BORCS5: variants seen among roughly 807,000 people sequenced by gnomAD.
The protein encoded by BORCS5 is BLOC-1-related complex subunit 5.
Under a neutral mutation model 22.1 loss-of-function variants are expected in BORCS5, and 17 were observed. The observed-to-expected ratio is 0.77, with a 90% CI of 0.53 to 1.15. The LOEUF (loss-of-function observed/expected upper bound fraction) is 1.15. BORCS5 is among the 50% of genes most tolerant of loss of function. The probability of loss-of-function intolerance (pLI) is 0.00; values close to 1 mark genes in which losing one functional copy is unlikely to be tolerated. For synonymous variants in BORCS5, 117 were observed against 99.8 expected (o/e 1.17, Z -1.03); for missense variants, 247 against 253.2 (o/e 0.98, Z 0.17).
At chr12:12,440,095 C>G (rs1391440611) in intron 3 of BORCS5, among the ~76,000 whole-genome samples, 1 of 152,166 alleles carries the variant, frequency 6.6e-6, no homozygotes, top group Non-Finnish European at 1.5e-5. Context: ...CTAGAGGTCC[C>G]TAAGATTACA....
chr12:12,370,365 C>T (rs1863499484), intron 2 of BORCS5, among the ~76,000 whole-genome samples: 1 of 151,900 alleles, frequency 6.6e-6, no homozygotes, highest in Admixed American at 6.6e-5. Flanking sequence ...TTTTTTTGCC[C>T]ACTTTTGTTA....
rs375957186 is a variant in BORCS5, at chr12:12,435,599, A to T, written c.203-29A>T. Reference sequence around the variant, plus strand: ...CACAAGTTTATTAGCAGTAATTTTAATTTCATTTCATTTTTTTCTCCTTTG... The same window carrying T: ...CACAAGTTTATTAGCAGTAATTTTATTTTCATTTCATTTTTTTCTCCTTTG... On this transcript the variant is annotated intron_variant, in intron 2 of 3. Transcript: ENST00000314565. 3.0e-5 allele frequency: 47 copies of T among 1,584,884 alleles called. No individual in the cohort carries two copies. In the African/African-American group the frequency reaches 6.0e-4, roughly 20 times the overall value.
chr12:12,430,305 C>T (rs2136118139), intron 2 of BORCS5, among the ~76,000 whole-genome samples: 1 of 152,078 alleles, frequency 6.6e-6, no homozygotes, highest in East Asian at 1.9e-4. Context: ...CGCCTGCCAC[C>T]ACGCCTGGCT....
intron 2 of BORCS5, among the ~76,000 whole-genome samples, chr12:12,387,455 C>T (rs1863907113): frequency 6.6e-6 from 1 of 151,364 alleles, no homozygotes; most frequent in South Asian, 2.1e-4. Flanking sequence ...TTTGTTTTCT[C>T]CAAAATGGAA....
At chr12:12,440,864 A>G (rs558606069) in intron 3 of BORCS5, among the ~76,000 whole-genome samples, 12 of 152,344 alleles carry the variant, frequency 7.9e-5, no homozygotes, top group African/African-American at 2.9e-4. Context: ...TTTTACAGAA[A>G]GTAAGCACTT....
chr12:12,401,578 T>C (rs1941476601), intron 2 of BORCS5, among the ~76,000 whole-genome samples: 1 of 152,060 alleles, frequency 6.6e-6, no homozygotes, highest in Admixed American at 6.6e-5. Context: ...GAAAACAAAA[T>C]GACAAAAAAG....
rs541755933 is a variant in BORCS5 at position 12,378,536 on chromosome 12, ATAAC to A, written c.202+17192_202+17195del. ...AAAAATATTAGAGACATGCTACAAA[ATAAC>A]TAACCGGTTTTCTTTATAAGAGTCA... On this transcript the variant is annotated intron_variant, in intron 2 of 3. Transcript: ENST00000314565. 8.6e-4 allele frequency among the ~76,000 whole-genome samples: 130 copies of A among 151,890 alleles called. 4 individuals are homozygous for A. The highest frequency in any genetic ancestry group is 2.9e-3 in the African/African-American group (119 of 41,458).
intron 2 of BORCS5, among the ~76,000 whole-genome samples, chr12:12,405,339 A>G (rs1941572821): frequency 6.6e-6 from 1 of 152,238 alleles, no homozygotes; most frequent in South Asian, 2.1e-4. Context: ...CATTGACACT[A>G]GAATTTTAAG....
At chr12:12,450,139 G>A (rs779662243) in intron 3 of BORCS5, among the ~76,000 whole-genome samples, 59 of 152,352 alleles carry the variant, frequency 3.9e-4, no homozygotes, top group East Asian at 1.9e-3. Context: ...GACTTTGGTC[G>A]CTTAGGACAG....
In BORCS5 at chr12:12,465,617, G is replaced by T. The variant is rs772720071; in HGVS notation, c.432G>T (p.Glu144Asp). 1.9e-6 allele frequency: 3 copies of T among 1,614,148 alleles called. No homozygotes were observed. Among genetic ancestry groups the T allele is most frequent in the Non-Finnish European group, 2.5e-6 (3 of 1,180,052 alleles). The part of the protein sequence containing the change: ...ERQKRYAKYA[E>D]QIQKVNEMSA... Reference sequence around the variant, plus strand: ...AGAAAAGATACGCCAAGTATGCCGAGCAGATCCAGAAAGTGAACGAGATGT... The same window carrying T: ...AGAAAAGATACGCCAAGTATGCCGATCAGATCCAGAAAGTGAACGAGATGT... The change falls in exon 4 of 4, where the codon GAG (glutamate) becomes GAT (aspartate). Residue 144 changes from glutamate to aspartate, a missense_variant. By Grantham distance (45) the Glu-to-Asp change is conservative. Coordinates refer to ENST00000314565, the MANE Select transcript of BORCS5 (RefSeq NM_058169.6).
At chr12:12,400,405 G>C (rs1941440839) in intron 2 of BORCS5, among the ~76,000 whole-genome samples, 1 of 152,106 alleles carries the variant, frequency 6.6e-6, no homozygotes, top group South Asian at 2.1e-4. Flanking sequence ...GGTGACCAAG[G>C]GTGGAGTGGT....
intron 2 of BORCS5, among the ~76,000 whole-genome samples, chr12:12,374,181 T>C (rs572298502): frequency 5.9e-5 from 9 of 151,276 alleles, no homozygotes; most frequent in South Asian, 4.2e-4. Context: ...TTAGTAGAGA[T>C]GGGGTTTCAC....
At chr12:12,403,572 T>C (rs7967466) in intron 2 of BORCS5, among the ~76,000 whole-genome samples, 91,218 of 152,034 alleles carry the variant, frequency 0.6, 28,681 homozygotes, top group African/African-American at 0.79. Flanking sequence ...TATTATCAAC[T>C]AACATGTTCC....
At chr12:12,451,252 C>G (rs751875894) in intron 3 of BORCS5, among the ~76,000 whole-genome samples, 2 of 151,334 alleles carry the variant, frequency 1.3e-5, no homozygotes, top group Non-Finnish European at 2.9e-5. Context: ...AAGTAGGTAT[C>G]AGGCAAACAG....
chr12:12,380,478 G>T (rs1052179857), intron 2 of BORCS5, among the ~76,000 whole-genome samples: 7 of 151,402 alleles, frequency 4.6e-5, no homozygotes, highest in Non-Finnish European at 1.0e-4. Context: ...GCAACCACAG[G>T]CCAGCTTTTC....
At position 12,404,764 on chromosome 12, in the gene BORCS5, TCTC is replaced by T. The variant is rs1303155200; in HGVS notation, c.203-30863_203-30861del. 2.6e-5 allele frequency among the ~76,000 whole-genome samples: 4 copies of T among 152,212 alleles called. No individual in the cohort carries two copies. The South Asian group carries it at 8.3e-4, about 32-fold the overall frequency. The stretch of plus-strand genomic sequence containing the variant: ...CCCAGGCTGGAATGCAGTGGCATCA[TCTC>T]AGCCCACTGAAATCTCTGCCTCCTG... On this transcript the variant is annotated intron_variant, in intron 2 of 3. Transcript: ENST00000314565.
intron 2 of BORCS5, among the ~76,000 whole-genome samples, chr12:12,426,131 C>T (rs1942281953): frequency 6.6e-6 from 1 of 152,174 alleles, no homozygotes; most frequent in South Asian, 2.1e-4. Flanking sequence ...TACCTGACTC[C>T]AAACTTTTTC....
In BORCS5 at chr12:12,465,822, C is replaced by T. The variant is rs765768865; in HGVS notation, c.*46C>T. ...GGCTGGGAGCCCCAGACACCGACAC[C>T]CTGAGGACGTGTGGAGCTAAGGTCA... On this transcript the variant is annotated 3_prime_UTR_variant, in exon 4 of 4. Transcript: ENST00000314565. 2.8e-5 allele frequency: 43 copies of T among 1,516,442 alleles called. No homozygotes were observed. The South Asian group carries it at 2.9e-4, about 10-fold the overall frequency. The allele number at this position is 1,516,442 out of a possible 1,614,324, so 93.9% of individuals were successfully genotyped here.
In BORCS5 at chr12:12,470,878, A is replaced by G. The variant is rs1943287810; in HGVS notation, c.*5102A>G. 6.6e-6 allele frequency among the ~76,000 whole-genome samples: 1 copy of G among 152,136 alleles called. No homozygotes were observed. Among genetic ancestry groups the G allele is most frequent in the African/African-American group, 2.4e-5 (1 of 41,406 alleles). On this transcript the variant is annotated 3_prime_UTR_variant, in exon 4 of 4. Transcript: ENST00000314565. ...CCTCCGGGATTTTTCCAGGGTTATC[A>G]ATGTCAGTGTAAGATCTGATGGAAT... is the stretch of plus-strand genomic sequence containing the variant.
Sources: allele counts gnomAD v4.1 joint callset (sites outside exome capture counted in the v4.1 genomes callset), GRCh38; gene constraint gnomAD v4.1.1; transcripts MANE v1.5; gene names NCBI Gene and HGNC (gene_info 2026-07-23, HGNC 2026-07-21).